USP29: variants seen among roughly 807,000 people sequenced by gnomAD.
The protein encoded by USP29 is ubiquitin specific peptidase 29, also known as ubiquitin carboxyl-terminal hydrolase 29.
For synonymous variants in USP29, 386 were observed against 387.4 expected (o/e 1.00, Z 0.04); for missense variants, 1,102 against 1,069.0 (o/e 1.03, Z -0.43).
chr19:57,121,687 G>A (rs1244556325), intron 1 of USP29, among the ~76,000 whole-genome samples: 2 of 145,492 alleles, frequency 1.4e-5, no homozygotes, highest in African/African-American at 2.5e-5. Context: ...TATGTTATAT[G>A]TACTTACATA....
chr19:57,129,891 T>C lies in USP29; in HGVS notation c.1216T>C (p.Ser406Pro). 1 of 1,614,114 alleles carries C rather than the reference T, an allele frequency of 6.2e-7. No individual in the cohort carries two copies. The highest frequency in any genetic ancestry group is 8.5e-7 in the Non-Finnish European group (1 of 1,180,022). The change falls in exon 4 of 4, where the codon TCA (serine) becomes CCA (proline). Residue 406 changes from serine (S) to proline (P), a missense_variant. Transcript: ENST00000254181. ...TGGGAAAGAATGTGGGGATGAAAATTCATCTCCACAAATGCATGTTGGTAG... is the reference window on the plus strand; with the variant it reads ...TGGGAAAGAATGTGGGGATGAAAATCCATCTCCACAAATGCATGTTGGTAG... ...NTGKECGDEN[S>P]SPQMHVGSAA... is the part of the protein sequence containing the mutation.
rs1311718585 is a variant in USP29 at position 57,128,718 on chromosome 19, C to T, written c.43C>T (p.Gln15Ter). Residue 15 changes from glutamine to a stop codon, truncating the protein, a stop_gained, in exon 4 of 4, where the codon CAG becomes TAG. Transcript: ENST00000254181. LOFTEE classifies it low-confidence loss of function (END_TRUNC). ...ATGTGGATTCATCCAAATTTGGAGCCAGAAGACTGGGATGACTAAGCTGAA... is the reference window on the plus strand; with the variant it reads ...ATGTGGATTCATCCAAATTTGGAGCTAGAAGACTGGGATGACTAAGCTGAA... ...KVCGFIQIWS[Q>*]KTGMTKLKEA... 1 of 1,605,580 alleles carries T rather than the reference C, an allele frequency of 6.2e-7. No homozygotes were observed. The highest frequency in any genetic ancestry group is 1.7e-5 in the Admixed American group (1 of 57,798).
intron 3 of USP29, among the ~76,000 whole-genome samples, chr19:57,124,937 G>C (rs555258851): frequency 2.6e-5 from 4 of 152,312 alleles, no homozygotes; most frequent in Admixed American, 1.3e-4. Flanking sequence ...TTCCTCCCAT[G>C]ATGGAGCCTT....
intron 2 of USP29, among the ~76,000 whole-genome samples, chr19:57,123,042 G>C (rs2086806087): frequency 6.6e-6 from 1 of 152,124 alleles, no homozygotes; most frequent in Non-Finnish European, 1.5e-5. Flanking sequence ...TGCTGGGTTT[G>C]GCATAGTATA....
In USP29 at chr19:57,131,619, C is replaced by T; in HGVS notation, c.*175C>T. The T allele has an allele frequency of 9.7e-7, 1 of 1,028,278 alleles. No individual in the cohort carries two copies. Among genetic ancestry groups the T allele is most frequent in the Non-Finnish European group, 1.4e-6 (1 of 723,372 alleles). 63.7% of individuals were successfully genotyped at this position (1,028,278 alleles called of 1,614,324 possible). A position where few individuals can be genotyped will look rare whatever the true frequency, so the allele number is the denominator to read the frequency against. On this transcript the variant is annotated 3_prime_UTR_variant, in exon 4 of 4. Coordinates refer to ENST00000254181, the MANE Select transcript of USP29 (RefSeq NM_020903.3). ...TTAACTGCTTCAGACACCTAGATCC[C>T]AGAACTCAGGCGCATATGCATATTT...
At position 57,129,822 on chromosome 19, in the gene USP29, C is replaced by T; in HGVS notation, c.1147C>T (p.Gln383Ter). Reference protein sequence around the residue: ...AHEFLGQCLDQLKEDMEKLNA... With the variant: ...AHEFLGQCLD ...TGAGTTTTTAGGTCAGTGTTTAGAC[C>T]AGCTGAAAGAAGACATGGAAAAATT... The change falls in exon 4 of 4, where the codon CAG becomes TAG. Residue 383 changes from glutamine (Q) to a stop codon, truncating the protein, a stop_gained. Transcript: ENST00000254181. LOFTEE classifies it low-confidence loss of function (END_TRUNC). 2 of 1,614,062 alleles carry T rather than the reference C, an allele frequency of 1.2e-6. No individual in the cohort carries two copies. The highest frequency in any genetic ancestry group is 1.7e-6 in the Non-Finnish European group (2 of 1,180,020).
intron 2 of USP29, among the ~76,000 whole-genome samples, chr19:57,122,882 A>G (rs368757196): frequency 1.1e-4 from 17 of 152,084 alleles, no homozygotes; most frequent in African/African-American, 4.1e-4. Flanking sequence ...GTGAGGGTGA[A>G]GTTTCCCTAA....
chr19:57,124,018 G>C (rs1469095215), intron 2 of USP29, 21 bp from the exon 3 acceptor site: 1 of 152,214 alleles, frequency 6.6e-6, no homozygotes, highest in Non-Finnish European at 1.5e-5. Context: ...TCAGGACTCT[G>C]ACCTTTTTGT....
At chr19:57,119,424 G>A (rs2086781001), upstream of USP29, among the ~76,000 whole-genome samples, 3 of 152,064 alleles carry the variant, frequency 2.0e-5, no homozygotes, top group South Asian at 6.2e-4. Flanking sequence ...CTTTTTTGGG[G>A]GTTTTGTTGT....
At chr19:57,124,288 T>A (rs866475701) in intron 3 of USP29, 149 bp downstream of exon 3, 1 of 151,046 alleles carries the variant, frequency 6.6e-6, no homozygotes, top group South Asian at 2.1e-4. Context: ...TTCAGAGAGA[T>A]ATTTTTTATT....
chr19:57,131,619 C>G lies in USP29; in HGVS notation c.*175C>G, dbSNP rs1283479857. ...TTAACTGCTTCAGACACCTAGATCC[C>G]AGAACTCAGGCGCATATGCATATTT... On this transcript the variant is annotated 3_prime_UTR_variant, in exon 4 of 4. Transcript: ENST00000254181. 1 of 1,028,278 alleles carries G rather than the reference C, an allele frequency of 9.7e-7. No homozygotes were observed. Among genetic ancestry groups the G allele is most frequent in the East Asian group, 2.5e-5 (1 of 39,404 alleles). 63.7% of individuals were successfully genotyped at this position (1,028,278 alleles called of 1,614,324 possible). A position where few individuals can be genotyped will look rare whatever the true frequency, so the allele number is the denominator to read the frequency against.
At chr19:57,126,823 T>C (rs1167674464) in intron 3 of USP29, among the ~76,000 whole-genome samples, 3 of 152,140 alleles carry the variant, frequency 2.0e-5, no homozygotes, top group African/African-American at 7.2e-5. Flanking sequence ...TTGCGATCAT[T>C]TGGAGAAGAG....
At position 57,129,432 on chromosome 19, in the gene USP29, G is replaced by A. The variant is rs947345188; in HGVS notation, c.757G>A (p.Gly253Ser). 2 of 1,614,138 alleles carry A rather than the reference G, an allele frequency of 1.2e-6. No individual in the cohort carries two copies. Among genetic ancestry groups the A allele is most frequent in the African/African-American group, 2.7e-5 (2 of 75,022 alleles). Residue 253 changes from glycine (G) to serine (S), a missense_variant, in exon 4 of 4, where the codon GGT (glycine) becomes AGT (serine). Physicochemically the swap from Gly to Ser is moderately conservative, Grantham distance 56. Coordinates refer to ENST00000254181, the MANE Select transcript of USP29 (RefSeq NM_020903.3). ...LATQTLNAKN[G>S]LTSPLEPEHS... ...AACCCAGACTCTCAATGCCAAAAATGGTTTGACATCTCCATTGGAACCAGA... is the reference window on the plus strand; with the variant it reads ...AACCCAGACTCTCAATGCCAAAAATAGTTTGACATCTCCATTGGAACCAGA...
At chr19:57,121,694 CATATGTTATATATATACAT>C (rs1194032577) in intron 1 of USP29, among the ~76,000 whole-genome samples, 39 of 146,606 alleles carry the variant, frequency 2.7e-4, no homozygotes, top group African/African-American at 9.4e-4. Context: ...TATGTACTTA[CATATGTTATATATATACAT>C]ATATGTTATA....
intron 3 of USP29, among the ~76,000 whole-genome samples, chr19:57,127,575 A>G (rs1371611414): frequency 6.6e-6 from 1 of 152,004 alleles, no homozygotes; most frequent in African/African-American, 2.4e-5. Flanking sequence ...CCTCCTTAGC[A>G]CTGTCCAGGG....
Position 57,129,335 on chromosome 19 carries a change from A to G in USP29, c.660A>G (p.Arg220=). The G allele has an allele frequency of 6.2e-7, 1 of 1,614,188 alleles. No individual in the cohort carries two copies. Among genetic ancestry groups the G allele is most frequent in the Non-Finnish European group, 8.5e-7 (1 of 1,180,032 alleles). Residue 220 remains arginine (R), a synonymous_variant, in exon 4 of 4, where the codon AGA becomes AGG. Transcript: ENST00000254181. ...GTTTAGAGGATTTAGAAAAAGATAG[A>G]GATTTGAAACTCGGGCCTTCATTCA... ...PSSLEDLEKD[R]DLKLGPSFNT...
intron 3 of USP29, among the ~76,000 whole-genome samples, chr19:57,125,038 A>G (rs2086816837): frequency 1.3e-5 from 2 of 152,210 alleles, no homozygotes; most frequent in Admixed American, 6.5e-5. Context: ...TTTTAGCCCA[A>G]TGACTTATCC....
chr19:57,131,232 T>G lies in USP29; in HGVS notation c.2557T>G (p.Trp853Gly). The G allele has an allele frequency of 6.2e-7, 1 of 1,614,218 alleles. No individual in the cohort carries two copies. The highest frequency in any genetic ancestry group is 1.1e-5 in the South Asian group (1 of 91,092). Residue 853 changes from tryptophan (W) to glycine (G), a missense_variant, in exon 4 of 4, where the codon TGG becomes GGG. Coordinates refer to ENST00000254181, the MANE Select transcript of USP29 (RefSeq NM_020903.3). ...SDVYDFQKQA[W>G]FTYNDLCVSE... Reference sequence around the variant, plus strand: ...TGTGTATGACTTTCAGAAGCAGGCCTGGTTCACATACAACGATCTATGTGT... The same window carrying G: ...TGTGTATGACTTTCAGAAGCAGGCCGGGTTCACATACAACGATCTATGTGT...
intron 3 of USP29, among the ~76,000 whole-genome samples, 164 bp downstream of exon 3, chr19:57,124,303 C>G (rs572555045): frequency 6.6e-6 from 1 of 150,534 alleles, no homozygotes; most frequent in Non-Finnish European, 1.5e-5. Context: ...TTTATTTTTT[C>G]TGAAACCTGT....
Sources: gnomAD v4.1 joint callset for allele counts (sites outside exome capture counted in the v4.1 genomes callset) on GRCh38, gnomAD v4.1.1 for gene constraint, MANE v1.5 for transcripts, NCBI Gene and HGNC (gene_info 2026-07-23, HGNC 2026-07-21) for gene names.